The following ATRNL1 variants were observed in gnomAD, a reference collection of about 807,000 sequenced individuals.
ATRNL1 encodes attractin-like protein 1.
ATRNL1 carries 95 observed loss-of-function variants against 182.7 expected under a neutral mutation model. That is an observed-to-expected ratio of 0.52 (90% CI 0.44 to 0.62). The LOEUF (loss-of-function observed/expected upper bound fraction) is 0.62. Among genes scored for constraint, ATRNL1 ranks in the 20% least tolerant of loss-of-function variants. The probability of loss-of-function intolerance (pLI) is 0.00; values close to 1 mark genes in which losing one functional copy is unlikely to be tolerated. For missense variants in ATRNL1, 1,471 were observed against 1,679.5 expected (o/e 0.88, Z 2.17); for synonymous variants, 576 against 568.3 (o/e 1.01, Z -0.19).
At chr10:115,715,950 C>T (rs1285268044) in intron 26 of ATRNL1, among the ~76,000 whole-genome samples, 1 of 152,184 alleles carries the variant, frequency 6.6e-6, no homozygotes, top group Non-Finnish European at 1.5e-5. Flanking sequence ...CTGTGACTTT[C>T]TCACCTTCTG....
chr10:115,713,716 CTATCT>C (rs1565310992), intron 26 of ATRNL1, among the ~76,000 whole-genome samples: 7 of 130,784 alleles, frequency 5.4e-5, no homozygotes, highest in Non-Finnish European at 9.8e-5. Flanking sequence ...ATCTATCTAT[CTATCT>C]ATCTATCTAT....
At chr10:115,144,292 C>T (rs543609510) in intron 5 of ATRNL1, among the ~76,000 whole-genome samples, 46 of 152,146 alleles carry the variant, frequency 3.0e-4, no homozygotes, top group Admixed American at 1.9e-3. Context: ...GGACTGCAGG[C>T]GCCTGCCACC....
intron 24 of ATRNL1, among the ~76,000 whole-genome samples, chr10:115,472,984 T>C (rs1367508932): frequency 6.6e-6 from 1 of 151,164 alleles, no homozygotes; most frequent in Non-Finnish European, 1.5e-5. Flanking sequence ...GCTTGTTGTA[T>C]GTGTTCTTTA....
intron 9 of ATRNL1, among the ~76,000 whole-genome samples, chr10:115,223,929 A>ATATTTTTTTTTTTTTTT (rs1420143943): frequency 4.2e-4 from 19 of 44,732 alleles, no homozygotes; most frequent in South Asian, 7.8e-4. Flanking sequence ...ATATATATAT[A>ATATTTTTTTTTTTTTTT]TTTTTTTTTT....
At chr10:115,752,895 G>T (rs78102522) in intron 27 of ATRNL1, among the ~76,000 whole-genome samples, 1,775 of 152,032 alleles carry the variant, frequency 0.012, 32 homozygotes, top group African/African-American at 0.04. Context: ...ACAAAGTATT[G>T]CCAACACTTT....
chr10:115,380,968 T>C (rs1481209983), intron 19 of ATRNL1, among the ~76,000 whole-genome samples: 1 of 152,208 alleles, frequency 6.6e-6, no homozygotes, highest in Non-Finnish European at 1.5e-5. Context: ...TACCAAATTG[T>C]TTCCAAGAAT....
At chr10:115,883,300 C>T (rs1157951091) in intron 28 of ATRNL1, among the ~76,000 whole-genome samples, 1 of 152,226 alleles carries the variant, frequency 6.6e-6, no homozygotes, top group East Asian at 1.9e-4. Flanking sequence ...ATAAAACTCT[C>T]TTCTATTAGG....
intron 27 of ATRNL1, among the ~76,000 whole-genome samples, chr10:115,818,804 C>G (rs1411029539): frequency 6.6e-6 from 1 of 152,102 alleles, no homozygotes; most frequent in African/African-American, 2.4e-5. Context: ...TTCACTAAGT[C>G]ATTCAAAAAT....
At chr10:115,201,147 T>C (rs1848562310) in intron 8 of ATRNL1, among the ~76,000 whole-genome samples, 1 of 149,932 alleles carries the variant, frequency 6.7e-6, no homozygotes, top group African/African-American at 2.5e-5. Flanking sequence ...GTCAGATGAG[T>C]AGGTTGTGAA....
intron 26 of ATRNL1, among the ~76,000 whole-genome samples, chr10:115,641,129 A>G (rs1399370518): frequency 6.6e-6 from 1 of 152,174 alleles, no homozygotes; most frequent in African/African-American, 2.4e-5. Flanking sequence ...ATGCAAGCAG[A>G]TAAGAAGCAT....
Position 115,605,141 on chromosome 10 carries a change from C to T in ATRNL1, c.3795+55605C>T, listed in dbSNP as rs145787210. Among the ~76,000 whole-genome samples, 732 of 152,124 alleles carry T rather than the reference C, an allele frequency of 4.8e-3. 2 individuals are homozygous for T. The highest frequency in any genetic ancestry group is 0.017 in the Middle Eastern group (5 of 294). ...TAGTGTCATTTTTACACAGTTTATACGCATACATCAATTTAAATGTTTTTA... is the reference window on the plus strand; with the variant it reads ...TAGTGTCATTTTTACACAGTTTATATGCATACATCAATTTAAATGTTTTTA... On this transcript the variant is annotated intron_variant, in intron 26 of 28. Transcript: ENST00000355044.
intron 19 of ATRNL1, among the ~76,000 whole-genome samples, chr10:115,389,744 A>C (rs1201422047): frequency 2.6e-5 from 4 of 151,092 alleles, no homozygotes; most frequent in Non-Finnish European, 5.9e-5. Context: ...CGATATGGTA[A>C]TTGTAATTTT....
intron 27 of ATRNL1, among the ~76,000 whole-genome samples, chr10:115,830,658 C>G (rs1555093329): frequency 6.6e-6 from 1 of 152,078 alleles, no homozygotes; most frequent in Non-Finnish European, 1.5e-5. Flanking sequence ...ATAAAAGGTG[C>G]AGAGGTGTGA....
rs574296321 is a variant in ATRNL1 at position 115,836,522 on chromosome 10, C to T, written c.3904-11355C>T. 3.9e-5 allele frequency among the ~76,000 whole-genome samples: 6 copies of T among 152,238 alleles called. No homozygotes were observed. In the East Asian group the frequency reaches 1.2e-3, roughly 30 times the overall value. On this transcript the variant is annotated intron_variant, in intron 27 of 28. Transcript: ENST00000355044. ...GACCCTGAGGGAGAGTTTTTCCGTGCACCTCCCCTCGCTTCTGGCGTTGCC... is the reference window on the plus strand; with the variant it reads ...GACCCTGAGGGAGAGTTTTTCCGTGTACCTCCCCTCGCTTCTGGCGTTGCC...
intron 26 of ATRNL1, among the ~76,000 whole-genome samples, chr10:115,622,986 T>C (rs1262524054): frequency 6.6e-6 from 1 of 152,026 alleles, no homozygotes; most frequent in Non-Finnish European, 1.5e-5. Context: ...TGCTAACAGG[T>C]TGTCTTTATC....
chr10:115,685,011 G>A (rs1190578208), intron 26 of ATRNL1, among the ~76,000 whole-genome samples: 1 of 151,700 alleles, frequency 6.6e-6, no homozygotes, highest in African/African-American at 2.4e-5. Context: ...GATAGAATTA[G>A]CAACTTGGAG....
intron 26 of ATRNL1, among the ~76,000 whole-genome samples, chr10:115,659,646 A>G (rs1565258988): frequency 1.3e-5 from 2 of 152,116 alleles, no homozygotes; most frequent in African/African-American, 4.8e-5. Context: ...TGAGTCCTAC[A>G]CATACAGAAG....
chr10:115,141,372 T>G (rs1407223464), intron 5 of ATRNL1, among the ~76,000 whole-genome samples: 1 of 152,178 alleles, frequency 6.6e-6, no homozygotes, highest in Non-Finnish European at 1.5e-5. Context: ...TAAAATGTTA[T>G]TTTATCAAGC....
intron 26 of ATRNL1, among the ~76,000 whole-genome samples, chr10:115,612,200 C>T (rs1028314325): frequency 2.0e-5 from 3 of 151,330 alleles, no homozygotes; most frequent in Admixed American, 6.6e-5. Flanking sequence ...TGCAGTGAGC[C>T]AAGATTAAGC....
Sources: allele counts gnomAD v4.1 joint callset (sites outside exome capture counted in the v4.1 genomes callset), GRCh38; gene constraint gnomAD v4.1.1; transcripts MANE v1.5; gene names NCBI Gene and HGNC (gene_info 2026-07-23, HGNC 2026-07-21).